PTCHD4: variants seen among roughly 807,000 people sequenced by gnomAD.
PTCHD4 encodes the protein patched domain containing 4, also known as patched domain-containing protein 4.
A neutral mutation model predicts 58.1 loss-of-function variants in PTCHD4; 33 were observed. The ratio of observed to expected loss-of-function variants is 0.57; its 90% confidence interval spans 0.43 to 0.76. The LOEUF is 0.76. PTCHD4 is among the 30% of genes least tolerant of loss of function. PTCHD4 has a pLI of 0.00. For missense variants in PTCHD4, 1,058 were observed against 1,027.1 expected, an observed-to-expected ratio of 1.03 and a Z score of -0.41; for synonymous variants, 478 against 409.6, an observed-to-expected ratio of 1.17 and a Z score of -2.02.
intron 4 of PTCHD4, among the ~76,000 whole-genome samples, chr6:47,892,990 T>C (rs1339858797): frequency 6.6e-6 from 1 of 152,196 alleles, no homozygotes; most frequent in African/African-American, 2.4e-5. Context: ...TCAACTCTGA[T>C]TGGTTGATTA....
chr6:47,915,488 G>A (rs1765214485), intron 4 of PTCHD4, among the ~76,000 whole-genome samples: 1 of 151,816 alleles, frequency 6.6e-6, no homozygotes, highest in South Asian at 2.1e-4. Flanking sequence ...ATTAAAGGTG[G>A]TTACATCAGC....
At chr6:47,993,389 C>A (rs1227773324) in intron 4 of PTCHD4, among the ~76,000 whole-genome samples, 1 of 152,206 alleles carries the variant, frequency 6.6e-6, no homozygotes, top group Non-Finnish European at 1.5e-5. Flanking sequence ...TTAGTCTACA[C>A]AGGGAGCTCT....
At chr6:47,963,573 GA>G (rs1767178875) in intron 4 of PTCHD4, among the ~76,000 whole-genome samples, 1 of 152,166 alleles carries the variant, frequency 6.6e-6, no homozygotes, top group Non-Finnish European at 1.5e-5. Flanking sequence ...GACAAGAGTT[GA>G]AAGCAAAGTA....
rs1033643242 is a variant in PTCHD4 at position 48,030,122 on chromosome 6, GAAAT to G, written c.418-21012_418-21009del. 3.4e-4 allele frequency among the ~76,000 whole-genome samples: 51 copies of G among 151,658 alleles called. 1 individual carries two copies. The highest frequency in any genetic ancestry group is 6.6e-4 in the Non-Finnish European group (45 of 67,910). On this transcript the variant is annotated intron_variant, in intron 3 of 4. Transcript: ENST00000339488. ...CCACCAAACTAAAAATAAAATAAATGAAATAAATAAATAAGAAAAAAAGGTCTAT... is the reference window on the plus strand; with the variant it reads ...CCACCAAACTAAAAATAAAATAAATGAAATAAATAAGAAAAAAAGGTCTAT...
rs1201745050 is a variant in PTCHD4, at chr6:47,877,086, C to T, written c.*1217G>A. ...GTTCCAAATACTAATGCAAGGAATA[C>T]ACTAGAGTTTATAGGATTAGAATAG... On this transcript the variant is annotated 3_prime_UTR_variant, in exon 5 of 5. Coordinates refer to ENST00000339488, the MANE Select transcript of PTCHD4 (RefSeq NM_001384253.1). Among the ~76,000 whole-genome samples, 1 of 152,002 alleles carries T rather than the reference C, an allele frequency of 6.6e-6. No individual in the cohort carries two copies. The highest frequency in any genetic ancestry group is 1.5e-5 in the Non-Finnish European group (1 of 67,980).
chr6:48,053,788 T>C (rs972789355), intron 3 of PTCHD4, among the ~76,000 whole-genome samples: 1 of 152,070 alleles, frequency 6.6e-6, no homozygotes, highest in Non-Finnish European at 1.5e-5. Flanking sequence ...ATTAGGGAAG[T>C]ACAGGAAAGG....
At chr6:48,087,762 A>G (rs1765289944) in intron 1 of PTCHD4, among the ~76,000 whole-genome samples, 2 of 152,202 alleles carry the variant, frequency 1.3e-5, no homozygotes, top group Admixed American at 6.5e-5. Flanking sequence ...ATACCTATCT[A>G]AAAGAATTAA....
Position 47,870,898 on chromosome 6 carries a change from G to A in PTCHD4, c.*7405C>T, listed in dbSNP as rs191037478. ...ATAAATGAGGCTGTTTTCATGAATG[G>A]GATGAACCTATATGTAATAGAGTAT... On this transcript the variant is annotated 3_prime_UTR_variant, in exon 5 of 5. Transcript: ENST00000339488. 8.1e-4 allele frequency among the ~76,000 whole-genome samples: 123 copies of A among 151,578 alleles called. No homozygotes were observed. Among genetic ancestry groups the A allele is most frequent in the African/African-American group, 2.8e-3 (116 of 41,432 alleles).
chr6:47,888,348 C>T (rs1285606070), intron 4 of PTCHD4, among the ~76,000 whole-genome samples: 1 of 151,558 alleles, frequency 6.6e-6, no homozygotes, highest in Non-Finnish European at 1.5e-5. Flanking sequence ...CAGCGCGAGA[C>T]TCAGTCCCCA....
chr6:47,915,894 G>C (rs1161607250), intron 4 of PTCHD4, among the ~76,000 whole-genome samples: 1 of 152,102 alleles, frequency 6.6e-6, no homozygotes, highest in African/African-American at 2.4e-5. Context: ...TTTCGGGGGA[G>C]TGAGGATGGA....
intron 4 of PTCHD4, among the ~76,000 whole-genome samples, chr6:47,951,029 AG>A (rs1304992651): frequency 1.3e-5 from 2 of 152,210 alleles, no homozygotes; most frequent in Non-Finnish European, 2.9e-5. Context: ...TGAGTTCAAA[AG>A]AAAAAAATCA....
At chr6:47,924,517 T>C (rs1472177996) in intron 4 of PTCHD4, among the ~76,000 whole-genome samples, 2 of 152,042 alleles carry the variant, frequency 1.3e-5, no homozygotes, top group Non-Finnish European at 2.9e-5. Flanking sequence ...TTCCTTAAAC[T>C]CTGTGAGTCT....
intron 3 of PTCHD4, among the ~76,000 whole-genome samples, chr6:48,038,966 A>AACC (rs1490047869): frequency 6.6e-6 from 1 of 152,188 alleles, no homozygotes; most frequent in Non-Finnish European, 1.5e-5. Context: ...AAATTGGCAG[A>AACC]ACCACTTTGA....
chr6:47,965,228 T>A (rs1195418300), intron 4 of PTCHD4, among the ~76,000 whole-genome samples: 1 of 152,236 alleles, frequency 6.6e-6, no homozygotes, highest in Non-Finnish European at 1.5e-5. Flanking sequence ...CCTGAGCAGC[T>A]ATTAAATTAG....
intron 4 of PTCHD4, among the ~76,000 whole-genome samples, chr6:47,933,310 A>G (rs1765886199): frequency 6.6e-6 from 1 of 152,248 alleles, no homozygotes; most frequent in African/African-American, 2.4e-5. Flanking sequence ...ATGAAAGCAA[A>G]TAATAGTCAT....
intron 4 of PTCHD4, among the ~76,000 whole-genome samples, chr6:47,903,463 T>C (rs1054847752): frequency 6.6e-6 from 1 of 152,078 alleles, no homozygotes; most frequent in African/African-American, 2.4e-5. Flanking sequence ...ACTCTAGGCA[T>C]GCACAACCAT....
At chr6:47,907,806 G>C (rs1489287069) in intron 4 of PTCHD4, among the ~76,000 whole-genome samples, 1 of 152,136 alleles carries the variant, frequency 6.6e-6, no homozygotes, top group African/African-American at 2.4e-5. Flanking sequence ...CCTGTGGCAA[G>C]GTAGCACACA....
At position 47,873,748 on chromosome 6, in the gene PTCHD4, G is replaced by A. The variant is rs998149233; in HGVS notation, c.*4555C>T. On this transcript the variant is annotated 3_prime_UTR_variant, in exon 5 of 5. Transcript: ENST00000339488. Reference sequence around the variant, plus strand: ...TCAATTTCATATTGAGATTGAAGATGGGGAAATAGCAAGGGCATACCAATT... The same window carrying A: ...TCAATTTCATATTGAGATTGAAGATAGGGAAATAGCAAGGGCATACCAATT... 2.0e-5 allele frequency among the ~76,000 whole-genome samples: 3 copies of A among 151,696 alleles called. No homozygotes were observed. The highest frequency in any genetic ancestry group is 4.4e-5 in the Non-Finnish European group (3 of 67,790).
chr6:48,018,822 C>A (rs1762954714), intron 3 of PTCHD4, among the ~76,000 whole-genome samples: 1 of 152,180 alleles, frequency 6.6e-6, no homozygotes, highest in Non-Finnish European at 1.5e-5. Context: ...CTGATGTTGA[C>A]CTACATAAGA....
Sources: gnomAD v4.1 joint callset for allele counts (sites outside exome capture counted in the v4.1 genomes callset) on GRCh38, gnomAD v4.1.1 for gene constraint, MANE v1.5 for transcripts, NCBI Gene and HGNC (gene_info 2026-07-23, HGNC 2026-07-21) for gene names.